Variants in STK40 observed in about 807,000 individuals in gnomAD.
STK40 encodes the protein serine/threonine kinase 40.
Under a neutral mutation model 47.9 loss-of-function variants are expected in STK40, and 13 were observed. The ratio of observed to expected loss-of-function variants is 0.27; its 90% CI spans 0.18 to 0.43. The LOEUF (loss-of-function observed/expected upper bound fraction) is 0.43, where lower values mean the gene tolerates loss of function less well. Ranked by LOEUF, STK40 falls within the 20% of genes least tolerant of loss-of-function variation. STK40 has a pLI of 1.00. For synonymous variants in STK40, 225 were observed against 243.2 expected (o/e 0.93, Z 0.69); for missense variants, 460 against 595.1 (o/e 0.77, Z 2.36).
chr1:36,342,968 G>A, intron 10 of STK40: 1 of 578,010 alleles, frequency 1.7e-6, no homozygotes, highest in African/African-American at 1.9e-5. Flanking sequence ...CTCCAGTGCA[G>A]GGAATGGGGA....
intron 6 of STK40, among the ~76,000 whole-genome samples, chr1:36,350,430 T>G (rs1385523884): frequency 3.3e-5 from 5 of 152,172 alleles, no homozygotes; most frequent in African/African-American, 9.7e-5. Context: ...CTCAAGACGC[T>G]GAGAGGAGGA....
rs1400447111 is a variant in STK40 at position 36,348,836 on chromosome 1, G to A, written c.624-21C>T. On this transcript the variant is annotated intron_variant, in intron 6 of 10. Transcript: ENST00000373132. ...GTGTCCTAGGAGTGGGAGACAGAGTGAACAAACCTCAGTGTCTATAGCAAC... is the reference window on the plus strand; with the variant it reads ...GTGTCCTAGGAGTGGGAGACAGAGTAAACAAACCTCAGTGTCTATAGCAAC... 6 of 1,575,922 alleles carry A rather than the reference G, an allele frequency of 3.8e-6. No individual in the cohort carries two copies. The Middle Eastern group carries it at 5.0e-4, about 131-fold the overall frequency.
chr1:36,343,921 G>C lies in STK40; in HGVS notation c.943C>G (p.Pro315Ala). The change falls in exon 9 of 11, where the codon CCC (proline) becomes GCC (alanine). Residue 315 changes from proline (P) to alanine (A), a missense_variant. Pro to Ala is a conservative substitution (Grantham distance 27). This residue lies in a region of STK40 where 181 missense variants were observed against 218.9 expected (regional missense o/e 0.83). Transcript: ENST00000373132. Reference sequence around the variant, plus strand: ...TCGGCGGCGGCCAGGCGCTGCTGGGGGTCAAGGACCAGCAGCTTCCGGATG... The same window carrying C: ...TCGGCGGCGGCCAGGCGCTGCTGGGCGTCAAGGACCAGCAGCTTCCGGATG... ...CLIRKLLVLDPQQRLAAADVL... is the reference protein window; with the variant it reads ...CLIRKLLVLDAQQRLAAADVL... The C allele has an allele frequency of 6.2e-7, 1 of 1,608,096 alleles. No individual in the cohort carries two copies. The highest frequency in any genetic ancestry group is 8.5e-7 in the Non-Finnish European group (1 of 1,175,728).
intron 1 of STK40, among the ~76,000 whole-genome samples, chr1:36,371,558 C>CA (rs997379546): frequency 2.0e-5 from 3 of 149,624 alleles, no homozygotes; most frequent in South Asian, 2.1e-4. Flanking sequence ...GACTCCATCT[C>CA]AAAAAAAAGA....
chr1:36,371,685 CA>C (rs57138983), intron 1 of STK40, among the ~76,000 whole-genome samples: 903 of 27,990 alleles, frequency 0.032, 9 homozygotes, highest in African/African-American at 0.088. Context: ...ACCCTGTCTC[CA>C]AAAAAAAAAA....
intron 2 of STK40, among the ~76,000 whole-genome samples, chr1:36,360,775 A>G (rs1646845073): frequency 6.6e-6 from 1 of 152,134 alleles, no homozygotes; most frequent in Non-Finnish European, 1.5e-5. Context: ...ACTCTTAGCC[A>G]CAAGTGATCC....
At chr1:36,348,579 C>A in intron 7 of STK40, 121 bp downstream of exon 7, 1 of 808,720 alleles carries the variant, frequency 1.2e-6, no homozygotes, top group Non-Finnish European at 2.1e-6. Context: ...CAGTACTGGT[C>A]TGGGCCCCCA....
At chr1:36,358,438 G>T in intron 3 of STK40, 56 bp from the exon 4 acceptor site, 1 of 1,550,936 alleles carries the variant, frequency 6.4e-7, no homozygotes, top group South Asian at 1.2e-5. Flanking sequence ...TTACACAGCA[G>T]AACAACCAGA....
chr1:36,363,532 C>T (rs533007710), intron 1 of STK40, among the ~76,000 whole-genome samples: 18 of 151,908 alleles, frequency 1.2e-4, no homozygotes, highest in Non-Finnish European at 1.8e-4. Flanking sequence ...ATTAGCCGGG[C>T]GCAGTGGCTC....
intron 1 of STK40, among the ~76,000 whole-genome samples, chr1:36,367,282 C>T (rs1401612847): frequency 1.3e-5 from 2 of 152,088 alleles, no homozygotes; most frequent in East Asian, 1.9e-4. Flanking sequence ...GCTGGCACTC[C>T]GCCGTCCGCA....
intron 1 of STK40, among the ~76,000 whole-genome samples, chr1:36,367,001 ATTTT>A (rs1273810393): frequency 3.7e-5 from 5 of 134,574 alleles, no homozygotes; most frequent in Admixed American, 3.0e-4. Context: ...CACCCAGCTA[ATTTT>A]TTTTTTTTTT....
rs1281904009 is a variant in STK40, at chr1:36,354,318, C to G, written c.623+46G>C. 10 of 1,607,214 alleles carry G rather than the reference C, an allele frequency of 6.2e-6. No homozygotes were observed. The East Asian group carries it at 2.2e-4, about 36-fold the overall frequency. On this transcript the variant is annotated intron_variant, in intron 6 of 10. Transcript: ENST00000373132. ...CTGGAGAGTTGCAATGTGTAGCCTG[C>G]CCCAGCCCCGGGGTAACTGTATGGA...
intron 7 of STK40, among the ~76,000 whole-genome samples, chr1:36,345,991 A>ATATATATATATATATTTTT: frequency 3.8e-5 from 1 of 26,468 alleles, no homozygotes; most frequent in African/African-American, 1.4e-4. Flanking sequence ...ATATATATAT[A>ATATATATATATATATTTTT]TTTTTTTTTT....
At chr1:36,350,989 C>T (rs1646747232) in intron 6 of STK40, among the ~76,000 whole-genome samples, 1 of 152,210 alleles carries the variant, frequency 6.6e-6, no homozygotes, top group South Asian at 2.1e-4. Flanking sequence ...CCGGGAGTCC[C>T]AGACCCCCTA....
chr1:36,377,920 G>A (rs538306913), intron 1 of STK40, among the ~76,000 whole-genome samples: 40 of 152,202 alleles, frequency 2.6e-4, no homozygotes, highest in Non-Finnish European at 4.3e-4. Flanking sequence ...CGTGGTAGAG[G>A]CTATAAAGCC....
chr1:36,342,185 C>T, intron 10 of STK40: 1 of 584,396 alleles, frequency 1.7e-6, no homozygotes, highest in African/African-American at 1.9e-5. Flanking sequence ...TTGCAGGCCG[C>T]CCTGCGGACC....
chr1:36,365,711 A>C (rs149155300), intron 1 of STK40, among the ~76,000 whole-genome samples: 4 of 152,284 alleles, frequency 2.6e-5, no homozygotes, highest in Non-Finnish European at 5.9e-5. Flanking sequence ...TCCTCAGAGA[A>C]GTCTTCCTTG....
chr1:36,375,907 A>G (rs1646988300), intron 1 of STK40, among the ~76,000 whole-genome samples: 1 of 152,010 alleles, frequency 6.6e-6, no homozygotes, highest in South Asian at 2.1e-4. Flanking sequence ...CTATAATCCC[A>G]GTGACTAGGG....
At chr1:36,378,737 G>A (rs368076658) in intron 1 of STK40, among the ~76,000 whole-genome samples, 1 of 152,170 alleles carries the variant, frequency 6.6e-6, no homozygotes. Flanking sequence ...GATTACAGGC[G>A]TGAGCCACCG....
Sources: allele counts gnomAD v4.1 joint callset (sites outside exome capture counted in the v4.1 genomes callset), GRCh38; gene constraint gnomAD v4.1.1; regional missense constraint gnomAD v4.1.1; transcripts MANE v1.5; gene names NCBI Gene and HGNC (gene_info 2026-07-23, HGNC 2026-07-21).